The following LRRFIP2 variants were observed in gnomAD, a reference collection of about 807,000 sequenced individuals.
The protein encoded by LRRFIP2 is LRR binding FLII interacting protein 2, also known as leucine-rich repeat flightless-interacting protein 2.
LRRFIP2 carries 109 observed loss-of-function variants against 125.9 expected under a neutral mutation model. The ratio of observed to expected loss-of-function variants is 0.87; its 90% CI spans 0.74 to 1.01. LRRFIP2 has a LOEUF of 1.01. LRRFIP2 is among the 50% of genes least tolerant of loss of function. The pLI is 0.00. For synonymous variants in LRRFIP2, 291 were observed against 293.1 expected (o/e 0.99, Z 0.07); for missense variants, 850 against 862.3 (o/e 0.99, Z 0.18).
Position 37,149,753 on chromosome 3 carries a change from C to A in LRRFIP2, c.-55-715G>T, listed in dbSNP as rs550813834. Among the ~76,000 whole-genome samples the A allele has an allele frequency of 4.6e-5, 7 of 152,214 alleles. No homozygotes were observed. The South Asian group carries it at 1.5e-3, about 32-fold the overall frequency. On this transcript the variant is annotated intron_variant, in intron 1 of 27. Transcript: ENST00000336686. ...CGGTGGCTCTCACCTGTAATCCCAG[C>A]ACTTGGGGAGGCTGAGGTGGGCAGA...
At chr3:37,129,496 A>T (rs1476601070) in intron 2 of LRRFIP2, among the ~76,000 whole-genome samples, 1 of 152,146 alleles carries the variant, frequency 6.6e-6, no homozygotes, top group Non-Finnish European at 1.5e-5. Context: ...CTTCAGAGCC[A>T]ACCTCTCTTT....
chr3:37,151,988 T>C (rs1316300845), intron 1 of LRRFIP2, among the ~76,000 whole-genome samples: 1 of 152,132 alleles, frequency 6.6e-6, no homozygotes, highest in African/African-American at 2.4e-5. Context: ...GAAAAGAAGT[T>C]ATTATATGAA....
At chr3:37,159,072 C>G (rs906938084) in intron 1 of LRRFIP2, among the ~76,000 whole-genome samples, 1 of 152,104 alleles carries the variant, frequency 6.6e-6, no homozygotes, top group East Asian at 1.9e-4. Context: ...ACCTCAAGGC[C>G]ATGAAGATTT....
intron 25 of LRRFIP2, 98 bp downstream of exon 25, chr3:37,058,692 G>T: frequency 5.9e-5 from 59 of 1,006,910 alleles, no homozygotes; most frequent in Non-Finnish European, 7.0e-5. Flanking sequence ...AAAAAAAAAA[G>T]AAAAGTGTAT....
At chr3:37,165,583 C>T (rs2096460597) in intron 1 of LRRFIP2, among the ~76,000 whole-genome samples, 1 of 151,826 alleles carries the variant, frequency 6.6e-6, no homozygotes, top group Non-Finnish European at 1.5e-5. Context: ...GAAACCCTGT[C>T]TCTACTAAAA....
chr3:37,082,055 G>A (rs1021943361), intron 19 of LRRFIP2, among the ~76,000 whole-genome samples: 3 of 152,054 alleles, frequency 2.0e-5, no homozygotes, highest in East Asian at 1.9e-4. Flanking sequence ...TATTTGAGAC[G>A]ATGGAAAGAT....
intron 15 of LRRFIP2, among the ~76,000 whole-genome samples, chr3:37,100,812 T>C (rs976287151): frequency 1.3e-5 from 2 of 152,078 alleles, no homozygotes; most frequent in Non-Finnish European, 2.9e-5. Flanking sequence ...TAAAGGGCAA[T>C]ATTTCAGGGG....
At chr3:37,111,207 A>G (rs2094534536) in intron 8 of LRRFIP2, 142 bp from the exon 9 acceptor site, 1 of 597,570 alleles carries the variant, frequency 1.7e-6, no homozygotes, top group African/African-American at 1.9e-5. Flanking sequence ...AAATCATCAT[A>G]TCACATTAAG....
At chr3:37,077,400 C>G (rs1206071753) in intron 19 of LRRFIP2, among the ~76,000 whole-genome samples, 1 of 152,168 alleles carries the variant, frequency 6.6e-6, no homozygotes, top group Non-Finnish European at 1.5e-5. Context: ...GTGATAAAAT[C>G]TACATGCACG....
chr3:37,059,344 TC>T (rs1319320682), intron 24 of LRRFIP2, among the ~76,000 whole-genome samples: 3 of 152,118 alleles, frequency 2.0e-5, no homozygotes, highest in Non-Finnish European at 4.4e-5. Flanking sequence ...AGACCTCATC[TC>T]TAAAAAAAAT....
chr3:37,097,519 G>C (rs757213456), intron 15 of LRRFIP2, among the ~76,000 whole-genome samples: 6 of 152,120 alleles, frequency 3.9e-5, no homozygotes, highest in Non-Finnish European at 7.4e-5. Flanking sequence ...ATCAAGAATA[G>C]TGTCTGGCAT....
chr3:37,162,179 A>AAGAG (rs755631823), intron 1 of LRRFIP2, among the ~76,000 whole-genome samples: 1 of 139,982 alleles, frequency 7.1e-6, no homozygotes, highest in African/African-American at 2.6e-5. Flanking sequence ...AAAAAAAAAG[A>AAGAG]AGAGAGAGAG....
At chr3:37,075,943 G>A (rs2091955888) in intron 19 of LRRFIP2, among the ~76,000 whole-genome samples, 1 of 152,118 alleles carries the variant, frequency 6.6e-6, no homozygotes, top group South Asian at 2.1e-4. Context: ...AAATCAATGA[G>A]AAGGAAAGAC....
intron 18 of LRRFIP2, among the ~76,000 whole-genome samples, chr3:37,085,241 G>A (rs1300437297): frequency 6.6e-6 from 1 of 152,198 alleles, no homozygotes; most frequent in Non-Finnish European, 1.5e-5. Flanking sequence ...CGGGTGCGGT[G>A]CCTCATGCCT....
intron 1 of LRRFIP2, 101 bp from the exon 2 acceptor site, chr3:37,149,139 C>CCTG: frequency 1.3e-6 from 1 of 798,680 alleles, no homozygotes; most frequent in Non-Finnish European, 1.9e-6. Context: ...CACCAAATAC[C>CCTG]TCTTCCCACT....
intron 21 of LRRFIP2, among the ~76,000 whole-genome samples, chr3:37,069,214 T>C (rs2090712434): frequency 6.6e-6 from 1 of 152,186 alleles, no homozygotes; most frequent in Admixed American, 6.5e-5. Context: ...AGAATTACCA[T>C]ATGATCCAGC....
intron 19 of LRRFIP2, among the ~76,000 whole-genome samples, chr3:37,079,866 A>C (rs1322401075): frequency 6.6e-6 from 1 of 152,186 alleles, no homozygotes; most frequent in African/African-American, 2.4e-5. Flanking sequence ...ATGAGTCTAG[A>C]ATAGGGAACT....
Position 37,076,485 on chromosome 3 carries a change from G to A in LRRFIP2, c.1279-1369C>T, listed in dbSNP as rs377493382. Among the ~76,000 whole-genome samples, 17 of 152,236 alleles carry A rather than the reference G, an allele frequency of 1.1e-4. 1 individual carries two copies. The East Asian group carries it at 2.3e-3, about 21-fold the overall frequency. ...CAAGGCTATAGTGAGCCATGATGGT[G>A]CCATTGCACTCCAGCCTGACGACGG... On this transcript the variant is annotated intron_variant, in intron 19 of 27. Coordinates refer to ENST00000336686, the MANE Select transcript of LRRFIP2 (RefSeq NM_006309.4).
chr3:37,145,402 G>A (rs1352690232), intron 2 of LRRFIP2, among the ~76,000 whole-genome samples: 1 of 152,088 alleles, frequency 6.6e-6, no homozygotes, highest in African/African-American at 2.4e-5. Flanking sequence ...TACTAATTTG[G>A]GGACTAATAT....
Sources: allele counts gnomAD v4.1 joint callset (sites outside exome capture counted in the v4.1 genomes callset), GRCh38; gene constraint gnomAD v4.1.1; transcripts MANE v1.5; gene names NCBI Gene and HGNC (gene_info 2026-07-23, HGNC 2026-07-21).